IREB2: variants seen among roughly 807,000 people sequenced by gnomAD.
IREB2 encodes the protein iron responsive element binding protein 2.
A neutral mutation model predicts 118.8 loss-of-function variants in IREB2; 39 were observed. That is an observed-to-expected ratio of 0.33 (90% CI 0.25 to 0.43). The LOEUF (loss-of-function observed/expected upper bound fraction) is 0.43. Ranked by LOEUF, IREB2 falls within the 20% of genes least tolerant of loss-of-function variation. IREB2 has a pLI of 1.00. For missense variants in IREB2, 900 were observed against 1,147.3 expected (o/e 0.78, Z 3.11); for synonymous variants, 372 against 392.2 (o/e 0.95, Z 0.61).
chr15:78,465,510 C>G lies in IREB2; in HGVS notation c.410+122C>G, dbSNP rs552991223. 25 of 906,814 alleles carry G rather than the reference C, an allele frequency of 2.8e-5. No homozygotes were observed. In the East Asian group the frequency reaches 6.7e-4, roughly 24 times the overall value. The allele number at this position is 906,814 out of a possible 1,614,324, so 56.2% of individuals were successfully genotyped here. A position where few individuals can be genotyped will look rare whatever the true frequency, so the allele number is the denominator to read the frequency against. ...AAAAGTATGCTAAATTTAGTATTGG[C>G]TAGTATATAAAAGCTAAAACTGGTG... On this transcript the variant is annotated intron_variant, in intron 4 of 21. Transcript: ENST00000258886.
chr15:78,439,635 A>G (rs752430504), intron 1 of IREB2, among the ~76,000 whole-genome samples, 160 bp from the exon 2 acceptor site: 22 of 152,256 alleles, frequency 1.4e-4, no homozygotes, highest in Non-Finnish European at 2.9e-4. Flanking sequence ...CAGGTGCTCA[A>G]TAGCCACACG....
Position 78,438,298 on chromosome 15 carries a change from C to T in IREB2, c.-40C>T. ...CTGCCCGGCCTCCCCCTTCTTCCCC[C>T]GCTGGCCCCCTCCCCGGAGGGATAA... On this transcript the variant is annotated 5_prime_UTR_variant, in exon 1 of 22. Transcript: ENST00000258886. 1.3e-6 allele frequency: 2 copies of T among 1,561,748 alleles called. No individual in the cohort carries two copies. Among genetic ancestry groups the T allele is most frequent in the Non-Finnish European group, 1.7e-6 (2 of 1,149,480 alleles).
intron 2 of IREB2, among the ~76,000 whole-genome samples, chr15:78,454,910 G>A (rs1023678398): frequency 1.3e-5 from 2 of 152,094 alleles, no homozygotes; most frequent in African/African-American, 4.8e-5. Context: ...CAGGTTGTCC[G>A]AATTCCTAGG....
intron 2 of IREB2, among the ~76,000 whole-genome samples, chr15:78,452,688 C>T: frequency 6.6e-6 from 1 of 152,110 alleles, no homozygotes; most frequent in East Asian, 1.9e-4. Context: ...GGGAGGATCT[C>T]TTGAGCCCAG....
chr15:78,486,062 A>C (rs1310153635), intron 13 of IREB2, among the ~76,000 whole-genome samples: 1 of 152,252 alleles, frequency 6.6e-6, no homozygotes, highest in Non-Finnish European at 1.5e-5. Flanking sequence ...CAGAAGTAGG[A>C]GATGTGGTCT....
In IREB2 at chr15:78,489,196, T is replaced by C. The variant is rs2051709045; in HGVS notation, c.2076+425T>C. Among the ~76,000 whole-genome samples the C allele has an allele frequency of 2.0e-5, 3 of 148,548 alleles. No individual in the cohort carries two copies. In the East Asian group the frequency reaches 5.9e-4, roughly 29 times the overall value. The stretch of plus-strand genomic sequence containing the variant: ...GAGATCGCGCCACTGCACTCCAGCC[T>C]GGGCAACAAGAGTGCAACTCTGTCT... On this transcript the variant is annotated intron_variant, in intron 16 of 21. Transcript: ENST00000258886.
chr15:78,443,625 GGTTTTTTTT>G (rs2050880224), intron 2 of IREB2, among the ~76,000 whole-genome samples: 1 of 151,172 alleles, frequency 6.6e-6, no homozygotes, highest in African/African-American at 2.4e-5. Flanking sequence ...TTTTTTGTGG[GGTTTTTTTT>G]GTTTTTTGTT....
Position 78,478,398 on chromosome 15 carries a change from G to A in IREB2, c.1296+1G>A. 6.4e-7 allele frequency: 1 copy of A among 1,552,106 alleles called. No homozygotes were observed. The highest frequency in any genetic ancestry group is 8.9e-7 in the Non-Finnish European group (1 of 1,123,732). On this transcript the variant is annotated splice_donor_variant, in intron 10 of 21. Transcript: ENST00000258886. LOFTEE classifies it high-confidence loss of function. ...TTCAGGAGAACCTGAATACTCCCAGGTATATGCAGAATAACCCACCTCGTA... is the reference window on the plus strand; with the variant it reads ...TTCAGGAGAACCTGAATACTCCCAGATATATGCAGAATAACCCACCTCGTA...
chr15:78,487,936 A>T (rs891964296), intron 14 of IREB2, 119 bp downstream of exon 14: 1 of 687,260 alleles, frequency 1.5e-6, no homozygotes, highest in African/African-American at 1.8e-5. Flanking sequence ...CCTCTTGGCA[A>T]TAGTAACCTG....
chr15:78,483,322 T>G lies in IREB2; in HGVS notation c.1301T>G (p.Ile434Ser). Reference sequence around the variant, plus strand: ...TTTCTCTTTCTCATTTCTTAGGTGATCCAGATTAATCTGAATTCAATAGTT... The same window carrying G: ...TTTCTCTTTCTCATTTCTTAGGTGAGCCAGATTAATCTGAATTCAATAGTT... ...SSGEPEYSQV[I>S]QINLNSIVPS... The change falls in exon 11 of 22, where the codon ATC becomes AGC. Residue 434 changes from isoleucine to serine, a missense_variant. By Grantham distance (142) the Ile-to-Ser change is moderately radical (BLOSUM62 -2). Coordinates refer to ENST00000258886, the MANE Select transcript of IREB2 (RefSeq NM_004136.4). 1 of 1,462,380 alleles carries G rather than the reference T, an allele frequency of 6.8e-7. No homozygotes were observed. Among genetic ancestry groups the G allele is most frequent in the South Asian group, 1.1e-5 (1 of 87,464 alleles). 90.6% of individuals were successfully genotyped at this position (1,462,380 alleles called of 1,614,324 possible).
chr15:78,476,321 C>T lies in IREB2; in HGVS notation c.1157C>T (p.Pro386Leu). ...PEYGAILSFF[P>L]VDNVTLKHLE... ...TATGGTGCTATCCTCAGCTTTTTCC[C>T]TGTTGACAATGTGACATTAAAACAT... Residue 386 changes from proline to leucine, a missense_variant, in exon 9 of 22, where the codon CCT (proline) becomes CTT (leucine). By Grantham distance (98) the Pro-to-Leu change is moderately conservative. Coordinates refer to ENST00000258886, the MANE Select transcript of IREB2 (RefSeq NM_004136.4). 6.3e-7 allele frequency: 1 copy of T among 1,594,916 alleles called. No homozygotes were observed. Among genetic ancestry groups the T allele is most frequent in the Non-Finnish European group, 8.6e-7 (1 of 1,165,838 alleles).
intron 3 of IREB2, among the ~76,000 whole-genome samples, chr15:78,463,838 C>T (rs1017150144): frequency 1.3e-5 from 2 of 152,178 alleles, no homozygotes; most frequent in African/African-American, 4.8e-5. Flanking sequence ...GCCACCGTAC[C>T]CAGCCATCAA....
intron 10 of IREB2, among the ~76,000 whole-genome samples, chr15:78,479,017 A>T (rs2051522312): frequency 6.6e-6 from 1 of 152,210 alleles, no homozygotes; most frequent in African/African-American, 2.4e-5. Context: ...GGTTCACTGT[A>T]GCCTCAACCT....
intron 2 of IREB2, among the ~76,000 whole-genome samples, chr15:78,445,612 C>T (rs2050916466): frequency 6.6e-6 from 1 of 152,190 alleles, no homozygotes; most frequent in Admixed American, 6.5e-5. Context: ...TGCCTGGTTT[C>T]CTTATTTTCT....
At chr15:78,481,272 G>A (rs1038962632) in intron 10 of IREB2, among the ~76,000 whole-genome samples, 6 of 152,084 alleles carry the variant, frequency 3.9e-5, no homozygotes, top group Admixed American at 6.5e-5. Context: ...GCGTGATCAC[G>A]GCTCACTGCA....
At position 78,467,680 on chromosome 15, in the gene IREB2, ACT is replaced by A. The variant is rs557338352; in HGVS notation, c.629+1194_629+1195del. On this transcript the variant is annotated intron_variant, in intron 5 of 21. Coordinates refer to ENST00000258886, the MANE Select transcript of IREB2 (RefSeq NM_004136.4). ...ACTCCAGCCTGGGTGACAGAGCAAG[ACT>A]CTGTCTCAGAAAAAAAAAAAGTCAT... Among the ~76,000 whole-genome samples, 934 of 151,764 alleles carry A rather than the reference ACT, an allele frequency of 6.2e-3. 12 individuals are homozygous for A. Among genetic ancestry groups the A allele is most frequent in the African/African-American group, 0.021 (878 of 41,386 alleles).
chr15:78,484,313 G>A (rs559050284), intron 11 of IREB2, among the ~76,000 whole-genome samples: 11 of 152,098 alleles, frequency 7.2e-5, no homozygotes, highest in Non-Finnish European at 1.6e-4. Flanking sequence ...GAATTGCCAT[G>A]TACCTGTCAA....
In IREB2 at chr15:78,485,852, C is replaced by G; in HGVS notation, c.1709+12C>G. The G allele has an allele frequency of 6.2e-7, 1 of 1,609,708 alleles. No homozygotes were observed. The highest frequency in any genetic ancestry group is 8.5e-7 in the Non-Finnish European group (1 of 1,176,902). On this transcript the variant is annotated intron_variant, in intron 13 of 21. Coordinates refer to ENST00000258886, the MANE Select transcript of IREB2 (RefSeq NM_004136.4). ...CTAAGTAAGCTTGGGTAAGTAACAG[C>G]TATCGCACTTCATATTGATATTGGT... is the stretch of plus-strand genomic sequence containing the variant.
In IREB2 at chr15:78,470,591, A is replaced by T; in HGVS notation, c.689A>T (p.Gln230Leu). Residue 230 changes from glutamine to leucine, a missense_variant, in exon 6 of 22, where the codon CAG becomes CTG. Physicochemically the swap from Gln to Leu is moderately radical, Grantham distance 113. Coordinates refer to ENST00000258886, the MANE Select transcript of IREB2 (RefSeq NM_004136.4). ...TTCGGCAGAAATCGAGAGAGGCTTCAGTTTTTTAAGGTATAAATGATTCAG... is the reference window on the plus strand; with the variant it reads ...TTCGGCAGAAATCGAGAGAGGCTTCTGTTTTTTAAGGTATAAATGATTCAG... Reference protein sequence around the residue: ...VEFGRNRERLQFFKWSSRVFK... With the variant: ...VEFGRNRERLLFFKWSSRVFK... 6.3e-7 allele frequency: 1 copy of T among 1,579,582 alleles called. No individual in the cohort carries two copies.
Sources: gnomAD v4.1 joint callset for allele counts (sites outside exome capture counted in the v4.1 genomes callset) on GRCh38, gnomAD v4.1.1 for gene constraint, MANE v1.5 for transcripts, NCBI Gene and HGNC (gene_info 2026-07-23, HGNC 2026-07-21) for gene names.